The following PALLD variants were observed in gnomAD, a reference collection of about 807,000 sequenced individuals.
PALLD encodes palladin.
PALLD carries 61 observed loss-of-function variants against 123.5 expected under a neutral mutation model. The observed-to-expected ratio is 0.49, with a 90% CI of 0.40 to 0.61. PALLD has a LOEUF of 0.61. Among genes scored for constraint, PALLD ranks in the 20% least tolerant of loss-of-function variants. PALLD has a pLI of 0.00. For synonymous variants in PALLD, 465 were observed against 496.4 expected, an observed-to-expected ratio of 0.94 and a Z score of 0.84; for missense variants, 1,273 against 1,377.0, an observed-to-expected ratio of 0.92 and a Z score of 1.20.
chr4:168,548,257 T>G (rs1766366337), intron 2 of PALLD, among the ~76,000 whole-genome samples: 1 of 152,040 alleles, frequency 6.6e-6, no homozygotes, highest in South Asian at 2.1e-4. Flanking sequence ...CTGTTAAATT[T>G]TATTGCTCTG....
chr4:168,765,853 G>A (rs1426273968), intron 10 of PALLD, among the ~76,000 whole-genome samples: 1 of 152,220 alleles, frequency 6.6e-6, no homozygotes, highest in Non-Finnish European at 1.5e-5. Flanking sequence ...TTACTCATGG[G>A]GGTGTGGATT....
At chr4:168,886,867 C>A (rs1341144677) in intron 10 of PALLD, among the ~76,000 whole-genome samples, 1 of 151,888 alleles carries the variant, frequency 6.6e-6, no homozygotes, top group Non-Finnish European at 1.5e-5. Context: ...GCCTGTAATC[C>A]CAGCACTTTG....
intron 2 of PALLD, among the ~76,000 whole-genome samples, chr4:168,651,467 G>GT (rs1778031981): frequency 6.6e-6 from 1 of 151,958 alleles, no homozygotes; most frequent in South Asian, 2.1e-4. Context: ...ATGCATCAAA[G>GT]TAACACTTAC....
At chr4:168,802,051 C>CT (rs1739422272) in intron 10 of PALLD, among the ~76,000 whole-genome samples, 1 of 152,198 alleles carries the variant, frequency 6.6e-6, no homozygotes, top group South Asian at 2.1e-4. Context: ...GCCACAATAA[C>CT]TTTATTTTGT....
Position 168,927,127 on chromosome 4 carries a change from A to C in PALLD, c.*947A>C, listed in dbSNP as rs1338419380. The C allele has an allele frequency of 1.8e-5, 4 of 227,164 alleles. No homozygotes were observed. The highest frequency in any genetic ancestry group is 2.6e-5 in the Non-Finnish European group (3 of 114,058). The allele number at this position is 227,164 out of a possible 1,614,324, so 14.1% of individuals were successfully genotyped here. On this transcript the variant is annotated 3_prime_UTR_variant, in exon 22 of 22. Coordinates refer to ENST00000505667, the MANE Select transcript of PALLD (RefSeq NM_001166108.2). The stretch of plus-strand genomic sequence containing the variant: ...TCTGAATAAAGCAGAAATATATTAC[A>C]GTTCATTCCACAGAAAGCATCCAAA...
intron 11 of PALLD, chr4:168,894,336 G>T: frequency 2.1e-5 from 11 of 512,270 alleles, no homozygotes; most frequent in East Asian, 3.4e-5. Context: ...GTCGCTTATT[G>T]CTCACTTTAA....
intron 2 of PALLD, among the ~76,000 whole-genome samples, chr4:168,591,003 C>T (rs893245807): frequency 6.7e-6 from 1 of 149,412 alleles, no homozygotes; most frequent in African/African-American, 2.5e-5. Context: ...CCTCATCCTC[C>T]TGAGTAGCTG....
intron 2 of PALLD, among the ~76,000 whole-genome samples, chr4:168,568,562 G>A (rs1276696964): frequency 6.6e-6 from 1 of 151,968 alleles, no homozygotes; most frequent in Non-Finnish European, 1.5e-5. Flanking sequence ...AAATTGACAT[G>A]TGCTTTACAT....
intron 8 of PALLD, among the ~76,000 whole-genome samples, chr4:168,694,446 C>T (rs1782947635): frequency 6.6e-6 from 1 of 152,080 alleles, no homozygotes. Flanking sequence ...TCCTCTCTGT[C>T]TCTTTCTCTC....
rs554341957 is a variant in PALLD at position 168,511,073 on chromosome 4, C to A, written c.-82-350C>A. Among the ~76,000 whole-genome samples the A allele has an allele frequency of 3.0e-4, 45 of 152,204 alleles. No homozygotes were observed. The South Asian group carries it at 9.1e-3, about 31-fold the overall frequency. The stretch of plus-strand genomic sequence containing the variant: ...GGTTGGATAATCAGAGTCAGATTTA[C>A]TAAAAATATCAATATTCTATTGATC... On this transcript the variant is annotated intron_variant, in intron 1 of 21. Transcript: ENST00000505667.
At chr4:168,762,242 C>A (rs1381609609) in intron 10 of PALLD, among the ~76,000 whole-genome samples, 1 of 152,042 alleles carries the variant, frequency 6.6e-6, no homozygotes, top group African/African-American at 2.4e-5. Flanking sequence ...GGGAGCCAAT[C>A]CAGGCAAATG....
At chr4:168,919,656 T>C (rs901812025) in intron 17 of PALLD, among the ~76,000 whole-genome samples, 7 of 152,328 alleles carry the variant, frequency 4.6e-5, no homozygotes, top group African/African-American at 1.7e-4. Flanking sequence ...CAGCTTGCTT[T>C]TCCTCCAAAA....
chr4:168,877,636 G>T (rs748484182), intron 10 of PALLD: 2 of 666,200 alleles, frequency 3.0e-6, no homozygotes, highest in Non-Finnish European at 3.9e-6. Flanking sequence ...TAAGTGCCAA[G>T]CGATGTCCAC....
chr4:168,675,255 G>A (rs1057456595), intron 3 of PALLD, among the ~76,000 whole-genome samples: 1 of 152,222 alleles, frequency 6.6e-6, no homozygotes, highest in Non-Finnish European at 1.5e-5. Context: ...GTCAGGAGGA[G>A]AGGAGGGCAG....
chr4:168,895,854 C>T (rs1755014939), intron 12 of PALLD, among the ~76,000 whole-genome samples: 1 of 152,188 alleles, frequency 6.6e-6, no homozygotes, highest in Admixed American at 6.5e-5. Flanking sequence ...AGATGTTCTT[C>T]AACTTAGTAT....
chr4:168,808,290 C>T (rs1452373635), intron 10 of PALLD, among the ~76,000 whole-genome samples: 1 of 151,622 alleles, frequency 6.6e-6, no homozygotes, highest in African/African-American at 2.4e-5. Flanking sequence ...ACCATCCTGG[C>T]TAACATGGTG....
At chr4:168,919,906 G>T (rs1761083911) in intron 17 of PALLD, among the ~76,000 whole-genome samples, 1 of 152,294 alleles carries the variant, frequency 6.6e-6, no homozygotes, top group Admixed American at 6.5e-5. Context: ...GGTACAAGGG[G>T]CATTCTCTTT....
rs75599674 is a variant in PALLD, at chr4:168,903,374, C to T, written c.2473-383C>T. ...AAACAATACATTTTAATTGCTGGTA[C>T]ATTTGAAAAAAGAAAAATGGCCTTC... On this transcript the variant is annotated intron_variant, in intron 14 of 21. Coordinates refer to ENST00000505667, the MANE Select transcript of PALLD (RefSeq NM_001166108.2). Among the ~76,000 whole-genome samples the T allele has an allele frequency of 5.3e-3, 810 of 152,102 alleles. 5 individuals are homozygous for T. The highest frequency in any genetic ancestry group is 8.6e-3 in the Non-Finnish European group (586 of 67,986).
intron 10 of PALLD, among the ~76,000 whole-genome samples, chr4:168,735,424 C>T (rs1787646778): frequency 6.6e-6 from 1 of 152,186 alleles, no homozygotes. Flanking sequence ...GAAAAGAAAA[C>T]GTCACTCCTA....
Sources: allele counts gnomAD v4.1 joint callset (sites outside exome capture counted in the v4.1 genomes callset), GRCh38; gene constraint gnomAD v4.1.1; transcripts MANE v1.5; gene names NCBI Gene and HGNC (gene_info 2026-07-23, HGNC 2026-07-21).